The following NRXN3 variants were observed in gnomAD, a reference collection of about 807,000 sequenced individuals.
NRXN3 encodes neurexin 3, also known as neurexin III.
NRXN3 carries 32 observed loss-of-function variants against 137.6 expected under a neutral mutation model. The ratio of observed to expected loss-of-function variants is 0.23; its 90% confidence interval spans 0.18 to 0.31. The LOEUF is 0.31. NRXN3 is among the 10% of genes least tolerant of loss of function. NRXN3 has a pLI of 1.00. For synonymous variants in NRXN3, 798 were observed against 784.5 expected, an observed-to-expected ratio of 1.02 and a Z score of -0.29; for missense variants, 1,574 against 2,062.5, an observed-to-expected ratio of 0.76 and a Z score of 4.59.
intron 16 of NRXN3, among the ~76,000 whole-genome samples, chr14:79,645,047 C>G (rs1271057351): frequency 7.4e-6 from 1 of 135,786 alleles, no homozygotes; most frequent in Non-Finnish European, 1.7e-5. Context: ...ATTGGACCAT[C>G]TCCTCTGTGT....
intron 4 of NRXN3, among the ~76,000 whole-genome samples, chr14:78,643,209 G>T (rs533629859): frequency 3.7e-4 from 56 of 152,182 alleles, no homozygotes; most frequent in African/African-American, 1.3e-3. Context: ...TTTTGCCTAA[G>T]AAATTTACCT....
intron 7 of NRXN3, chr14:78,709,908 G>A (rs758137670): frequency 4.2e-6 from 2 of 475,044 alleles, no homozygotes; most frequent in East Asian, 3.9e-5. Context: ...TGGAGCTAAG[G>A]ATGGTTTTAC....
At chr14:78,639,186 G>T (rs2097592943) in intron 4 of NRXN3, among the ~76,000 whole-genome samples, 1 of 152,224 alleles carries the variant, frequency 6.6e-6, no homozygotes, top group Non-Finnish European at 1.5e-5. Flanking sequence ...GTGTTTTTGT[G>T]CCTCATTAGT....
chr14:78,427,362 G>A (rs957664495), intron 4 of NRXN3, among the ~76,000 whole-genome samples: 2 of 152,222 alleles, frequency 1.3e-5, no homozygotes, highest in Admixed American at 1.3e-4. Context: ...GTGGGAGGAG[G>A]GAGGTGCCTG....
chr14:79,653,983 C>T (rs1056629170), intron 16 of NRXN3, among the ~76,000 whole-genome samples: 2 of 152,180 alleles, frequency 1.3e-5, no homozygotes, highest in South Asian at 2.1e-4. Context: ...ACCCCAGGGG[C>T]AATATGACTC....
intron 4 of NRXN3, among the ~76,000 whole-genome samples, chr14:78,546,904 G>A (rs2096641179): frequency 1.3e-5 from 2 of 152,144 alleles, no homozygotes; most frequent in Admixed American, 1.3e-4. Flanking sequence ...GGTCACAGAG[G>A]AGGTCAAGTG....
chr14:79,382,284 G>A (rs1398661223), intron 15 of NRXN3, among the ~76,000 whole-genome samples: 1 of 152,170 alleles, frequency 6.6e-6, no homozygotes, highest in Non-Finnish European at 1.5e-5. Context: ...GGTAAAAAAG[G>A]CAGATTTATT....
chr14:79,097,456 G>A (rs2050554628), intron 15 of NRXN3, among the ~76,000 whole-genome samples: 1 of 152,158 alleles, frequency 6.6e-6, no homozygotes, highest in South Asian at 2.1e-4. Context: ...ATCATCAGGT[G>A]CAGATTAGGA....
chr14:78,546,787 G>A (rs530213614), intron 4 of NRXN3, among the ~76,000 whole-genome samples: 3 of 152,162 alleles, frequency 2.0e-5, no homozygotes, highest in African/African-American at 7.2e-5. Flanking sequence ...ATATTGCATC[G>A]CTGACTTGGC....
chr14:79,594,810 T>C (rs2097845715), intron 16 of NRXN3, among the ~76,000 whole-genome samples: 1 of 152,148 alleles, frequency 6.6e-6, no homozygotes, highest in Non-Finnish European at 1.5e-5. Flanking sequence ...GAAGTATAGT[T>C]TTATAGCTCA....
intron 16 of NRXN3, among the ~76,000 whole-genome samples, chr14:79,469,372 C>A (rs1161918197): frequency 6.7e-6 from 1 of 150,302 alleles, no homozygotes; most frequent in African/African-American, 2.4e-5. Context: ...CAGAACATTC[C>A]AGTATATTTT....
At chr14:78,773,196 G>T (rs566386941) in intron 8 of NRXN3, among the ~76,000 whole-genome samples, 2 of 152,204 alleles carry the variant, frequency 1.3e-5, no homozygotes. Context: ...ATGCTTTTGT[G>T]TGATGACTTA....
chr14:79,682,196 T>C (rs938621368), intron 17 of NRXN3, among the ~76,000 whole-genome samples: 1 of 152,154 alleles, frequency 6.6e-6, no homozygotes, highest in Admixed American at 6.5e-5. Flanking sequence ...CTTTTTAAAC[T>C]AAGATAGATG....
chr14:78,991,271 C>T (rs1255879922), intron 15 of NRXN3, among the ~76,000 whole-genome samples: 1 of 152,158 alleles, frequency 6.6e-6, no homozygotes, highest in Non-Finnish European at 1.5e-5. Context: ...AAGTGGCCTG[C>T]CTTTGACCTA....
At chr14:79,558,574 T>C (rs1263484551) in intron 16 of NRXN3, among the ~76,000 whole-genome samples, 1 of 151,802 alleles carries the variant, frequency 6.6e-6, no homozygotes, top group Non-Finnish European at 1.5e-5. Context: ...TTTTTTTTTT[T>C]CTGAGCAGTA....
chr14:78,958,664 ATATCT>A (rs2099402038), intron 11 of NRXN3, among the ~76,000 whole-genome samples: 1 of 152,144 alleles, frequency 6.6e-6, no homozygotes, highest in South Asian at 2.1e-4. Flanking sequence ...CTTACATGCT[ATATCT>A]TATAAGTCTT....
intron 4 of NRXN3, among the ~76,000 whole-genome samples, chr14:78,608,142 C>T (rs1043854189): frequency 5.9e-5 from 9 of 152,072 alleles, no homozygotes; most frequent in Admixed American, 3.9e-4. Context: ...AGAGTCTTGG[C>T]GGAGATGGTG....
At chr14:78,261,738 A>T (rs944298192) in intron 2 of NRXN3, among the ~76,000 whole-genome samples, 1 of 152,164 alleles carries the variant, frequency 6.6e-6, no homozygotes, top group African/African-American at 2.4e-5. Flanking sequence ...AGGCAAGGTG[A>T]CTTACAATGG....
At chr14:79,538,512 C>T (rs985062616) in intron 16 of NRXN3, among the ~76,000 whole-genome samples, 7 of 152,150 alleles carry the variant, frequency 4.6e-5, no homozygotes, top group African/African-American at 1.4e-4. Context: ...TTTCAGCTTT[C>T]TACATATGGC....
Sources: allele counts gnomAD v4.1 joint callset (sites outside exome capture counted in the v4.1 genomes callset), GRCh38; gene constraint gnomAD v4.1.1; transcripts MANE v1.5; gene names NCBI Gene and HGNC (gene_info 2026-07-23, HGNC 2026-07-21).